Variants in KIRREL3 observed in about 807,000 individuals in gnomAD.
KIRREL3 encodes the protein kirre like nephrin family adhesion molecule 3, also known as kin of IRRE-like protein 3.
In KIRREL3, 36 loss-of-function variants were observed where a neutral mutation model predicts 89.7. The ratio of observed to expected loss-of-function variants is 0.40; its 90% CI spans 0.31 to 0.53. KIRREL3 has a LOEUF of 0.53. Ranked by LOEUF, KIRREL3 falls within the 20% of genes least tolerant of loss-of-function variation. KIRREL3 has a pLI of 0.49. For missense variants in KIRREL3, 864 were observed against 1,056.6 expected, an observed-to-expected ratio of 0.82 and a Z score of 2.53; for synonymous variants, 445 against 441.4, an observed-to-expected ratio of 1.01 and a Z score of -0.10.
chr11:126,718,485 G>A (rs1459515780), intron 1 of KIRREL3, among the ~76,000 whole-genome samples: 1 of 152,232 alleles, frequency 6.6e-6, no homozygotes, highest in Non-Finnish European at 1.5e-5. Flanking sequence ...ACACTTGGCT[G>A]TGCCTGCTTT....
rs917696539 is a variant in KIRREL3 at position 126,710,540 on chromosome 11, G to C, written c.56-147628C>G. ...CCAGTTAACGTGTATGCAGATGGGA[G>C]CTTGGAGGACTATTTTGCTAAATGA... On this transcript the variant is annotated intron_variant, in intron 1 of 16. Transcript: ENST00000525144. The surrounding 1 kb of genome is among the most constrained non-coding windows in gnomAD (Gnocchi z 4.2). Among the ~76,000 whole-genome samples the C allele has an allele frequency of 6.6e-6, 1 of 152,148 alleles. No homozygotes were observed. The highest frequency in any genetic ancestry group is 1.5e-5 in the Non-Finnish European group (1 of 68,012).
intron 1 of KIRREL3, among the ~76,000 whole-genome samples, chr11:126,680,397 G>GATAT (rs150251599): frequency 4.0e-4 from 58 of 144,120 alleles, no homozygotes; most frequent in Non-Finnish European, 5.4e-4. Context: ...TTCTACTGGA[G>GATAT]ATATATATAT....
At chr11:126,700,469 G>T (rs576250087) in intron 1 of KIRREL3, among the ~76,000 whole-genome samples, 1 of 152,282 alleles carries the variant, frequency 6.6e-6, no homozygotes, top group South Asian at 2.1e-4. Flanking sequence ...TTATTAGATT[G>T]GTGCAAAAGC....
Position 126,656,948 on chromosome 11 carries a change from A to C in KIRREL3, c.56-94036T>G, listed in dbSNP as rs558715225. ...GTGCTTGTGGTCCTGGCTGCTTGGG[A>C]GGCTGAGGCATGAGAGTGGCTTGAA... On this transcript the variant is annotated intron_variant, in intron 1 of 16. Transcript: ENST00000525144. The surrounding 1 kb of genome is among the most constrained non-coding windows in gnomAD (Gnocchi z 4.0). Among the ~76,000 whole-genome samples, 29 of 151,814 alleles carry C rather than the reference A, an allele frequency of 1.9e-4. No homozygotes were observed. The highest frequency in any genetic ancestry group is 3.7e-4 in the Non-Finnish European group (25 of 67,980).
rs1429408824 is a variant in KIRREL3, at chr11:126,796,655, TTTA to T, written c.55+203797_55+203799del. ...CCCCCAACCCTGCTTTTTATTTATT[TTTA>T]TTCTTTTATTTTTATTTTTATTTTA... On this transcript the variant is annotated intron_variant, in intron 1 of 16. Coordinates refer to ENST00000525144, the MANE Select transcript of KIRREL3 (RefSeq NM_032531.4). The surrounding 1 kb of genome is among the most constrained non-coding windows in gnomAD (Gnocchi z 5.1). 7.2e-5 allele frequency among the ~76,000 whole-genome samples: 11 copies of T among 152,120 alleles called. No individual in the cohort carries two copies. Among genetic ancestry groups the T allele is most frequent in the African/African-American group, 2.4e-4 (10 of 41,422 alleles).
rs1198746843 is a variant in KIRREL3, at chr11:126,527,342, A to C, written c.134-655T>G. On this transcript the variant is annotated intron_variant, in intron 2 of 16. Transcript: ENST00000525144. This position sits in a 1 kb window ranked among gnomAD's most constrained non-coding sequence, Gnocchi z 4.2. ...ACTCCAGCCTCACAATCACTTGGGAAAAAATCATTATGGACACCATGCCTC... is the reference window on the plus strand; with the variant it reads ...ACTCCAGCCTCACAATCACTTGGGACAAAATCATTATGGACACCATGCCTC... Among the ~76,000 whole-genome samples the C allele has an allele frequency of 5.9e-5, 9 of 152,128 alleles. No homozygotes were observed. The highest frequency in any genetic ancestry group is 1.0e-4 in the Non-Finnish European group (7 of 68,024).
intron 1 of KIRREL3, among the ~76,000 whole-genome samples, chr11:126,751,576 G>T (rs1028579099): frequency 3.3e-5 from 5 of 152,212 alleles, no homozygotes; most frequent in East Asian, 1.9e-4. Context: ...GAGATCTTAG[G>T]GGGGCAAGAG....
At position 126,468,487 on chromosome 11, in the gene KIRREL3, G is replaced by A. The variant is rs530021454; in HGVS notation, c.591+4822C>T. On this transcript the variant is annotated intron_variant, in intron 5 of 16. Transcript: ENST00000525144. ...GAGAAGCATGGCCAGCCTGTGCTGGGGGAGGGACTGGGTGCTTCCTCTCCT... is the reference window on the plus strand; with the variant it reads ...GAGAAGCATGGCCAGCCTGTGCTGGAGGAGGGACTGGGTGCTTCCTCTCCT... Among the ~76,000 whole-genome samples, 153 of 152,362 alleles carry A rather than the reference G, an allele frequency of 1.0e-3. 4 individuals carry two copies. In the South Asian group the frequency reaches 0.03, roughly 29 times the overall value.
intron 4 of KIRREL3, among the ~76,000 whole-genome samples, chr11:126,497,649 C>T (rs1242710786): frequency 3.3e-5 from 5 of 152,230 alleles, no homozygotes; most frequent in Admixed American, 6.5e-5. Context: ...GGTTGCACAG[C>T]GGGCTCTCAG....
In KIRREL3 at chr11:126,989,809, C is replaced by T. The variant is rs147752297; in HGVS notation, c.55+10646G>A. Reference sequence around the variant, plus strand: ...GTTTCCAGGGCCTGTGGCCAGGATCCAGTTATCTTGCCTGGAAGGATGTTC... The same window carrying T: ...GTTTCCAGGGCCTGTGGCCAGGATCTAGTTATCTTGCCTGGAAGGATGTTC... On this transcript the variant is annotated intron_variant, in intron 1 of 16. Coordinates refer to ENST00000525144, the MANE Select transcript of KIRREL3 (RefSeq NM_032531.4). The surrounding 1 kb of genome is among the most constrained non-coding windows in gnomAD (Gnocchi z 6.2). Among the ~76,000 whole-genome samples, 54 of 152,284 alleles carry T rather than the reference C, an allele frequency of 3.5e-4. No homozygotes were observed. The East Asian group carries it at 9.5e-3, about 27-fold the overall frequency.
In KIRREL3 at chr11:126,782,501, A is replaced by G. The variant is rs1432668064; in HGVS notation, c.55+217954T>C. On this transcript the variant is annotated intron_variant, in intron 1 of 16. Coordinates refer to ENST00000525144, the MANE Select transcript of KIRREL3 (RefSeq NM_032531.4). The surrounding 1 kb of genome is among the most constrained non-coding windows in gnomAD (Gnocchi z 4.1). Reference sequence around the variant, plus strand: ...AGTTTGGAGAGGAGGCAGGGGTGCCACTAGCTGATTTAGCGACTTTTGTAT... The same window carrying G: ...AGTTTGGAGAGGAGGCAGGGGTGCCGCTAGCTGATTTAGCGACTTTTGTAT... Among the ~76,000 whole-genome samples, 1 of 152,220 alleles carries G rather than the reference A, an allele frequency of 6.6e-6. No homozygotes were observed. Among genetic ancestry groups the G allele is most frequent in the Non-Finnish European group, 1.5e-5 (1 of 68,040 alleles).
Position 126,561,826 on chromosome 11 carries a change from G to C in KIRREL3, c.133+1009C>G, listed in dbSNP as rs1043260459. On this transcript the variant is annotated intron_variant, in intron 2 of 16. Coordinates refer to ENST00000525144, the MANE Select transcript of KIRREL3 (RefSeq NM_032531.4). The surrounding 1 kb of genome is among the most constrained non-coding windows in gnomAD (Gnocchi z 4.5). The stretch of plus-strand genomic sequence containing the variant: ...CACAGCTGGCAAAGTCTCAGGCATG[G>C]GGAGCGCATGGGGATGTGGTTGTCG... Among the ~76,000 whole-genome samples, 2 of 152,194 alleles carry C rather than the reference G, an allele frequency of 1.3e-5. No homozygotes were observed. The highest frequency in any genetic ancestry group is 4.8e-5 in the African/African-American group (2 of 41,450).
rs948242815 is a variant in KIRREL3, at chr11:126,550,860, T to C, written c.133+11975A>G. On this transcript the variant is annotated intron_variant, in intron 2 of 16. Coordinates refer to ENST00000525144, the MANE Select transcript of KIRREL3 (RefSeq NM_032531.4). This position sits in a 1 kb window ranked among gnomAD's most constrained non-coding sequence, Gnocchi z 4.9. ...GGACACCAGCTGGGTGTCCTCCAAT[T>C]CAATTCTGACACTGTCTACCTGGAG... Among the ~76,000 whole-genome samples, 2 of 151,978 alleles carry C rather than the reference T, an allele frequency of 1.3e-5. No homozygotes were observed. The highest frequency in any genetic ancestry group is 2.9e-5 in the Non-Finnish European group (2 of 68,002).
rs540770207 is a variant in KIRREL3, at chr11:126,538,052, T to C, written c.134-11365A>G. 2.6e-5 allele frequency among the ~76,000 whole-genome samples: 4 copies of C among 152,006 alleles called. No individual in the cohort carries two copies. The South Asian group carries it at 8.3e-4, about 32-fold the overall frequency. On this transcript the variant is annotated intron_variant, in intron 2 of 16. Coordinates refer to ENST00000525144, the MANE Select transcript of KIRREL3 (RefSeq NM_032531.4). Reference sequence around the variant, plus strand: ...AACAGGGGCCAGAGCAGCACCTGTCTTGCAGAGTCCCAAGGCTGAGAATGG... The same window carrying C: ...AACAGGGGCCAGAGCAGCACCTGTCCTGCAGAGTCCCAAGGCTGAGAATGG...
Position 126,463,445 on chromosome 11 carries a change from C to A in KIRREL3, c.592-138G>T, listed in dbSNP as rs1956617803. On this transcript the variant is annotated intron_variant, in intron 5 of 16. Coordinates refer to ENST00000525144, the MANE Select transcript of KIRREL3 (RefSeq NM_032531.4). The surrounding 1 kb of genome is among the most constrained non-coding windows in gnomAD (Gnocchi z 5.9). ...AGGGGTTCAGCTTAGGAGACCTGGG[C>A]TGCCCATGTCTACGCAGAGCTCGGG... is the stretch of plus-strand genomic sequence containing the variant. 2.4e-6 allele frequency: 2 copies of A among 844,606 alleles called. No individual in the cohort carries two copies. The highest frequency in any genetic ancestry group is 1.9e-5 in the South Asian group (1 of 53,848). 52.3% of individuals were successfully genotyped at this position (844,606 alleles called of 1,614,324 possible). A position where few individuals can be genotyped will look rare whatever the true frequency, so the allele number is the denominator to read the frequency against.
In KIRREL3 at chr11:126,895,150, C is replaced by T. The variant is rs190383042; in HGVS notation, c.55+105305G>A. ...GCTTCAGGATGGCTGCTTCCCCACA[C>T]GGAGCTTCCTTCTTGTGAAAGCAAG... On this transcript the variant is annotated intron_variant, in intron 1 of 16. Transcript: ENST00000525144. 9.1e-4 allele frequency among the ~76,000 whole-genome samples: 138 copies of T among 152,164 alleles called. 3 individuals are homozygous for T. The highest frequency in any genetic ancestry group is 6.8e-3 in the Middle Eastern group (2 of 294).
chr11:126,544,779 C>G lies in KIRREL3; in HGVS notation c.133+18056G>C, dbSNP rs574830831. ...TAAGCCCTTTCTTCTCTTGCAAGTC[C>G]GTTGCTGCCTGGGAAGCAGCCATTC... On this transcript the variant is annotated intron_variant, in intron 2 of 16. Coordinates refer to ENST00000525144, the MANE Select transcript of KIRREL3 (RefSeq NM_032531.4). This position sits in a 1 kb window ranked among gnomAD's most constrained non-coding sequence, Gnocchi z 5.6. 3.9e-5 allele frequency among the ~76,000 whole-genome samples: 6 copies of G among 152,276 alleles called. No individual in the cohort carries two copies. The South Asian group carries it at 1.0e-3, about 26-fold the overall frequency.
rs1784318 is a variant in KIRREL3 at position 126,924,867 on chromosome 11, T to C, written c.55+75588A>G. 0.64 allele frequency among the ~76,000 whole-genome samples: 97,661 copies of C among 151,782 alleles called. 32,964 individuals carry two copies. Among genetic ancestry groups the C allele is most frequent in the Middle Eastern group, 0.84 (247 of 294 alleles). On this transcript the variant is annotated intron_variant, in intron 1 of 16. Coordinates refer to ENST00000525144, the MANE Select transcript of KIRREL3 (RefSeq NM_032531.4). This position sits in a 1 kb window ranked among gnomAD's most constrained non-coding sequence, Gnocchi z 4.7. ...AAGTTGTTATTAGCATGATTCACTCTCCAACAGCATGAATATTCGGTGTGA... is the reference window on the plus strand; with the variant it reads ...AAGTTGTTATTAGCATGATTCACTCCCCAACAGCATGAATATTCGGTGTGA...
At chr11:126,453,257 TG>T (rs1042794380) in intron 7 of KIRREL3, among the ~76,000 whole-genome samples, 3 of 151,934 alleles carry the variant, frequency 2.0e-5, no homozygotes, top group East Asian at 1.9e-4. Flanking sequence ...TCATCTCGTG[TG>T]GGGGGGCCAC....
Sources: allele counts gnomAD v4.1 joint callset (sites outside exome capture counted in the v4.1 genomes callset), GRCh38; gene constraint gnomAD v4.1.1; non-coding constraint Gnocchi (gnomAD v3.1); transcripts MANE v1.5; gene names NCBI Gene and HGNC (gene_info 2026-07-23, HGNC 2026-07-21).